The following TENM1 variants were observed in gnomAD, a reference collection of about 807,000 sequenced individuals.
TENM1 encodes teneurin transmembrane protein 1, also known as teneurin-1.
TENM1 carries 35 observed loss-of-function variants against 174.8 expected under a neutral mutation model. That is an observed-to-expected ratio of 0.20 (90% confidence interval 0.15 to 0.27). The LOEUF is 0.27. Ranked by LOEUF, TENM1 falls within the 10% of genes least tolerant of loss-of-function variation. The probability of loss-of-function intolerance (pLI) is 1.00; values close to 1 mark genes in which losing one functional copy is unlikely to be tolerated. For synonymous variants in TENM1, 781 were observed against 798.7 expected, an observed-to-expected ratio of 0.98 and a Z score of 0.37; for missense variants, 1,633 against 2,130.1, an observed-to-expected ratio of 0.77 and a Z score of 4.59.
intron 11 of TENM1, among the ~76,000 whole-genome samples, chrX:124,628,252 G>A (rs896543406): frequency 5.4e-5 from 6 of 110,822 alleles, no homozygotes; most frequent in African/African-American, 9.8e-5. Flanking sequence ...TTACCTTGGC[G>A]TTGGAATAGA....
the TENM1 span, among the ~76,000 whole-genome samples, chrX:125,128,986 T>C: frequency 9.0e-6 from 1 of 111,054 alleles, no homozygotes; most frequent in Admixed American, 9.7e-5. Flanking sequence ...GTTAAAAAGG[T>C]CATAAGGGTG....
chrX:124,994,125 G>GTACATAATACATAATACA, the TENM1 span, among the ~76,000 whole-genome samples: 52 of 107,870 alleles, frequency 4.8e-4, 1 homozygote, highest in Admixed American at 5.2e-3. Flanking sequence ...ATACATATAG[G>GTACATAATACATAATACA]TATATCCCCC....
At chrX:124,700,913 G>T (rs2052760451) in intron 5 of TENM1, among the ~76,000 whole-genome samples, 1 of 111,133 alleles carries the variant, frequency 9.0e-6, no homozygotes, top group Admixed American at 9.6e-5. Context: ...GTGCAAAGAG[G>T]CAAAAAAAGC....
At chrX:124,741,971 C>T (rs773087581) in intron 3 of TENM1, among the ~76,000 whole-genome samples, 4 of 112,119 alleles carry the variant, frequency 3.6e-5, no homozygotes, top group Admixed American at 9.5e-5. Context: ...CTTTATAAAA[C>T]GAGCACTGTA....
the TENM1 span, among the ~76,000 whole-genome samples, chrX:125,172,896 T>A: frequency 8.9e-6 from 1 of 111,963 alleles, no homozygotes; most frequent in African/African-American, 3.2e-5. Context: ...TTTTACATGC[T>A]AATTCTTGAC....
intron 3 of TENM1, among the ~76,000 whole-genome samples, chrX:124,766,316 G>A (rs1161599205): frequency 9.0e-6 from 1 of 111,530 alleles, no homozygotes; most frequent in Non-Finnish European, 1.9e-5. Flanking sequence ...GTCTGGCTAT[G>A]ATCAATTGAT....
At chrX:124,590,847 T>C (rs2049719484) in intron 11 of TENM1, among the ~76,000 whole-genome samples, 1 of 112,166 alleles carries the variant, frequency 8.9e-6, no homozygotes, top group Admixed American at 9.4e-5. Flanking sequence ...AGAACCATAC[T>C]ATTATTGTGT....
chrX:124,527,849 G>A (rs1337818773), intron 16 of TENM1, among the ~76,000 whole-genome samples: 2 of 102,051 alleles, frequency 2.0e-5, no homozygotes, highest in Admixed American at 2.2e-4. Flanking sequence ...GTAGAGACGG[G>A]GTTTCACCGT....
At chrX:124,813,275 G>A (rs1339699693) in intron 3 of TENM1, among the ~76,000 whole-genome samples, 1 of 111,262 alleles carries the variant, frequency 9.0e-6, no homozygotes, top group Admixed American at 9.6e-5. Flanking sequence ...AGATGGGCAG[G>A]ATTAAAAAGT....
the TENM1 span, among the ~76,000 whole-genome samples, chrX:124,973,164 G>A: frequency 7.2e-5 from 8 of 111,541 alleles, no homozygotes; most frequent in South Asian, 1.5e-3. Flanking sequence ...ATAGGGAATC[G>A]TTTCCCCACT....
At chrX:124,922,044 G>T (rs1444227682) in intron 1 of TENM1, among the ~76,000 whole-genome samples, 1 of 110,887 alleles carries the variant, frequency 9.0e-6, no homozygotes. Context: ...TCTCCATTCC[G>T]ATTCATTTAT....
At chrX:124,881,059 G>A (rs2057294316) in intron 3 of TENM1, among the ~76,000 whole-genome samples, 1 of 111,810 alleles carries the variant, frequency 8.9e-6, no homozygotes. Context: ...ATGAGTTAGG[G>A]AGAATTCCAC....
chrX:125,141,908 C>T, the TENM1 span, among the ~76,000 whole-genome samples: 1 of 111,383 alleles, frequency 9.0e-6, no homozygotes, highest in Non-Finnish European at 1.9e-5. Flanking sequence ...CCCAGACCCT[C>T]CACTTCCTAG....
intron 3 of TENM1, among the ~76,000 whole-genome samples, chrX:124,787,316 T>C (rs2055061723): frequency 1.8e-5 from 2 of 111,762 alleles, no homozygotes; most frequent in African/African-American, 6.6e-5. Flanking sequence ...ACTTTCACCA[T>C]ATGGAATTAA....
the TENM1 span, among the ~76,000 whole-genome samples, chrX:125,016,759 A>G: frequency 1.8e-5 from 2 of 111,821 alleles, no homozygotes; most frequent in African/African-American, 6.5e-5. Context: ...TAGCCAAGAC[A>G]ATCCTAAGCA....
chrX:124,964,666 A>G (rs765005239), upstream of TENM1, among the ~76,000 whole-genome samples: 1 of 111,926 alleles, frequency 8.9e-6, no homozygotes, highest in African/African-American at 3.2e-5. Flanking sequence ...CGAGACGATC[A>G]AGTGTCATCT....
At chrX:124,938,260 A>G (rs1378951213) in intron 1 of TENM1, among the ~76,000 whole-genome samples, 1 of 112,105 alleles carries the variant, frequency 8.9e-6, no homozygotes, top group African/African-American at 3.2e-5. Context: ...ATAACCTGCT[A>G]ACAATTTCAA....
chrX:125,096,341 T>C, the TENM1 span, among the ~76,000 whole-genome samples: 1 of 112,072 alleles, frequency 8.9e-6, no homozygotes, highest in South Asian at 3.7e-4. Flanking sequence ...CAGTTTTATA[T>C]GAATCCAAAA....
the TENM1 span, among the ~76,000 whole-genome samples, chrX:125,001,123 T>C: frequency 1.8e-5 from 2 of 110,629 alleles, no homozygotes; most frequent in East Asian, 5.7e-4. Flanking sequence ...TGCTATATAG[T>C]TGAAATAATC....
Sources: gnomAD v4.1 joint callset for allele counts (sites outside exome capture counted in the v4.1 genomes callset) on GRCh38, gnomAD v4.1.1 for gene constraint, MANE v1.5 for transcripts, NCBI Gene and HGNC (gene_info 2026-07-23, HGNC 2026-07-21) for gene names.